The following FBXL7 variants were observed in gnomAD, a reference collection of about 807,000 sequenced individuals.
FBXL7 encodes the protein F-box and leucine rich repeat protein 7.
In FBXL7, 12 loss-of-function variants were observed where a neutral mutation model predicts 38.3. The observed-to-expected ratio is 0.31, with a 90% CI of 0.20 to 0.51. FBXL7 has a LOEUF of 0.51. FBXL7 is among the 20% of genes least tolerant of loss of function. FBXL7 has a pLI of 0.98. For synonymous variants in FBXL7, 297 were observed against 300.9 expected (o/e 0.99, Z 0.13); for missense variants, 567 against 676.4 (o/e 0.84, Z 1.79).
intron 1 of FBXL7, among the ~76,000 whole-genome samples, chr5:15,554,597 T>G (rs1475149688): frequency 1.3e-5 from 2 of 152,160 alleles, no homozygotes; most frequent in East Asian, 3.9e-4. Context: ...TAGTTGCAAA[T>G]AAAGTGTCAG....
At chr5:15,743,662 AAGCAGTGCCTC>A (rs1735945972) in intron 2 of FBXL7, among the ~76,000 whole-genome samples, 1 of 152,184 alleles carries the variant, frequency 6.6e-6, no homozygotes, top group South Asian at 2.1e-4. Context: ...CAGTTCCATT[AAGCAGTGCCTC>A]AGTGGGGACA....
intron 2 of FBXL7, among the ~76,000 whole-genome samples, chr5:15,737,324 A>G (rs895183503): frequency 6.6e-6 from 1 of 152,194 alleles, no homozygotes; most frequent in African/African-American, 2.4e-5. Context: ...CTCCAGTCAC[A>G]GCCACAGTCT....
At chr5:15,693,087 T>C (rs1316013846) in intron 2 of FBXL7, among the ~76,000 whole-genome samples, 1 of 152,166 alleles carries the variant, frequency 6.6e-6, no homozygotes, top group Non-Finnish European at 1.5e-5. Flanking sequence ...GTGCCAAGCT[T>C]GGTCAGAGGA....
intron 2 of FBXL7, among the ~76,000 whole-genome samples, chr5:15,730,194 C>A (rs946230777): frequency 3.9e-5 from 6 of 152,022 alleles, no homozygotes; most frequent in Non-Finnish European, 4.4e-5. Flanking sequence ...CACATAGTCT[C>A]CAGTTTATGA....
At chr5:15,719,279 C>G (rs1744130457) in intron 2 of FBXL7, among the ~76,000 whole-genome samples, 1 of 152,066 alleles carries the variant, frequency 6.6e-6, no homozygotes, top group Non-Finnish European at 1.5e-5. Context: ...ATTCTCTTGT[C>G]GTTCTGTATC....
At chr5:15,823,382 A>C (rs1253508925) in intron 2 of FBXL7, among the ~76,000 whole-genome samples, 1 of 152,212 alleles carries the variant, frequency 6.6e-6, no homozygotes, top group African/African-American at 2.4e-5. Flanking sequence ...ATAACCTGTC[A>C]TTTGGAAATA....
intron 2 of FBXL7, among the ~76,000 whole-genome samples, chr5:15,770,003 A>G (rs1736686216): frequency 6.6e-6 from 1 of 152,168 alleles, no homozygotes; most frequent in Non-Finnish European, 1.5e-5. Flanking sequence ...ATCTTCTGGT[A>G]GGTCAGTTTA....
intron 2 of FBXL7, among the ~76,000 whole-genome samples, chr5:15,816,258 TA>T (rs1738010876): frequency 9.3e-6 from 1 of 107,646 alleles, no homozygotes; most frequent in African/African-American, 3.1e-5. Context: ...TATGTATATA[TA>T]TATATGTGTG....
Position 15,678,403 on chromosome 5 carries a change from C to T in FBXL7, c.127+62331C>T, listed in dbSNP as rs190108062. 1.5e-3 allele frequency among the ~76,000 whole-genome samples: 224 copies of T among 152,180 alleles called. 1 individual carries two copies. Among genetic ancestry groups the T allele is most frequent in the Middle Eastern group, 3.4e-3 (1 of 294 alleles). On this transcript the variant is annotated intron_variant, in intron 2 of 3. Transcript: ENST00000504595. ...GCTACAAAAATCTTAAATTGCTTAC[C>T]GGTGTCATATATGTAAGAAAGCATG... is the stretch of plus-strand genomic sequence containing the variant.
In FBXL7 at chr5:15,701,955, C is replaced by T. The variant is rs144824639; in HGVS notation, c.127+85883C>T. On this transcript the variant is annotated intron_variant, in intron 2 of 3. Transcript: ENST00000504595. ...GCTAAGTGAATGAAGAAACATGGCT[C>T]CAGCCAGGTGCGGTGGTTCACGCCT... Among the ~76,000 whole-genome samples, 838 of 152,230 alleles carry T rather than the reference C, an allele frequency of 5.5e-3. 4 individuals are homozygous for T. The highest frequency in any genetic ancestry group is 8.8e-3 in the Non-Finnish European group (599 of 68,004).
intron 1 of FBXL7, among the ~76,000 whole-genome samples, chr5:15,571,848 T>G (rs901911608): frequency 2.6e-5 from 4 of 152,018 alleles, no homozygotes; most frequent in African/African-American, 9.7e-5. Context: ...GGAGGGCAGA[T>G]AAAGTGACTG....
chr5:15,618,135 T>G (rs1372527322), intron 2 of FBXL7, among the ~76,000 whole-genome samples: 1 of 152,146 alleles, frequency 6.6e-6, no homozygotes, highest in African/African-American at 2.4e-5. Context: ...TGCCTTTCCC[T>G]TATGAGGAGG....
At position 15,928,618 on chromosome 5, in the gene FBXL7, G is replaced by C; in HGVS notation, c.739+117G>C. 1 of 1,344,740 alleles carries C rather than the reference G, an allele frequency of 7.4e-7. No individual in the cohort carries two copies. Among genetic ancestry groups the C allele is most frequent in the Non-Finnish European group, 1.0e-6 (1 of 993,058 alleles). 83.3% of individuals were successfully genotyped at this position (1,344,740 alleles called of 1,614,324 possible). A position where few individuals can be genotyped will look rare whatever the true frequency, so the allele number is the denominator to read the frequency against. ...TGCAAGCCATCAGAGATGGGGGCGG[G>C]TGGTAGGGAGGCTGGCTTTTGCAGA... On this transcript the variant is annotated intron_variant, in intron 3 of 3. Transcript: ENST00000504595. The surrounding 1 kb of genome is among the most constrained non-coding windows in gnomAD (Gnocchi z 4.0).
chr5:15,529,207 A>G (rs1204325414), intron 1 of FBXL7, among the ~76,000 whole-genome samples: 2 of 152,198 alleles, frequency 1.3e-5, no homozygotes, highest in Non-Finnish European at 2.9e-5. Flanking sequence ...CCCTTAACAT[A>G]ATATTCTCCA....
At chr5:15,520,073 C>G (rs1279803681) in intron 1 of FBXL7, among the ~76,000 whole-genome samples, 1 of 151,976 alleles carries the variant, frequency 6.6e-6, no homozygotes, top group African/African-American at 2.4e-5. Flanking sequence ...GGGTAACTTC[C>G]TGATATATTG....
intron 2 of FBXL7, among the ~76,000 whole-genome samples, chr5:15,878,808 C>A (rs550397442): frequency 6.6e-6 from 1 of 152,310 alleles, no homozygotes; most frequent in South Asian, 2.1e-4. Context: ...TTCATATATT[C>A]TTTCCTAGCC....
chr5:15,731,804 G>C (rs1735591401), intron 2 of FBXL7, among the ~76,000 whole-genome samples: 1 of 152,166 alleles, frequency 6.6e-6, no homozygotes, highest in Non-Finnish European at 1.5e-5. Flanking sequence ...AGAGGAGAGA[G>C]GTAGAGGAGG....
chr5:15,738,180 G>T (rs202177959), intron 2 of FBXL7, among the ~76,000 whole-genome samples: 2 of 152,052 alleles, frequency 1.3e-5, no homozygotes, highest in African/African-American at 4.8e-5. Context: ...GTCTGGCTCC[G>T]TTTAAGTTGT....
intron 2 of FBXL7, among the ~76,000 whole-genome samples, chr5:15,791,300 A>T (rs975536646): frequency 1.3e-5 from 2 of 152,144 alleles, no homozygotes; most frequent in Non-Finnish European, 2.9e-5. Flanking sequence ...AACACGTTTA[A>T]TTCTGTGGTT....
Sources: gnomAD v4.1 joint callset for allele counts (sites outside exome capture counted in the v4.1 genomes callset) on GRCh38, gnomAD v4.1.1 for gene constraint, Gnocchi (gnomAD v3.1) non-coding constraint, MANE v1.5 for transcripts, NCBI Gene and HGNC (gene_info 2026-07-23, HGNC 2026-07-21) for gene names.